RB1CC1: variants seen among roughly 807,000 people sequenced by gnomAD.
RB1CC1 encodes RB1 inducible coiled-coil 1, also known as RB1-inducible coiled-coil protein 1.
In RB1CC1, 46 loss-of-function variants were observed where a neutral mutation model predicts 177.5. The observed-to-expected ratio is 0.26, with a 90% CI of 0.20 to 0.33. RB1CC1 has a LOEUF of 0.33. RB1CC1 is among the 10% of genes least tolerant of loss of function. The probability of loss-of-function intolerance (pLI) is 1.00; values close to 1 mark genes in which losing one functional copy is unlikely to be tolerated. For missense variants in RB1CC1, 1,703 were observed against 1,816.3 expected, an observed-to-expected ratio of 0.94 and a Z score of 1.13; for synonymous variants, 666 against 613.6, an observed-to-expected ratio of 1.09 and a Z score of -1.26.
chr8:52,696,992 G>T (rs1315384486), intron 1 of RB1CC1, among the ~76,000 whole-genome samples: 3 of 152,006 alleles, frequency 2.0e-5, no homozygotes, highest in Non-Finnish European at 4.4e-5. Flanking sequence ...AAGGGAGAGA[G>T]ACCGTCTCAA....
intron 12 of RB1CC1, among the ~76,000 whole-genome samples, chr8:52,660,228 A>G (rs1007624117): frequency 1.3e-5 from 2 of 152,074 alleles, no homozygotes; most frequent in African/African-American, 4.8e-5. Context: ...ATAGAAGGGC[A>G]AGGAGGAGGT....
chr8:52,637,658 C>CATTTATTTATTTATTTATTTATTTATTT (rs561831982), intron 18 of RB1CC1, among the ~76,000 whole-genome samples: 4 of 151,290 alleles, frequency 2.6e-5, no homozygotes, highest in African/African-American at 7.3e-5. Context: ...AATCTAGATG[C>CATTTATTTATTTATTTATTTATTTATTT]ATTTATTTAT....
chr8:52,654,049 T>C (rs1329207096), intron 15 of RB1CC1, among the ~76,000 whole-genome samples: 1 of 152,196 alleles, frequency 6.6e-6, no homozygotes, highest in Non-Finnish European at 1.5e-5. Flanking sequence ...ACCATGTTCT[T>C]ATTCAACATT....
At chr8:52,689,695 G>A (rs1413445420) in intron 1 of RB1CC1, among the ~76,000 whole-genome samples, 2 of 151,924 alleles carry the variant, frequency 1.3e-5, no homozygotes, top group African/African-American at 4.8e-5. Context: ...ATATCACACT[G>A]CTTGAACTCC....
chr8:52,659,535 A>C (rs923299994), intron 12 of RB1CC1, among the ~76,000 whole-genome samples: 2 of 152,300 alleles, frequency 1.3e-5, no homozygotes, highest in African/African-American at 2.4e-5. Flanking sequence ...TTAAAAAAAA[A>C]CTTGTTTTAA....
chr8:52,693,817 T>C (rs534229003), intron 1 of RB1CC1, among the ~76,000 whole-genome samples: 2 of 152,196 alleles, frequency 1.3e-5, no homozygotes, highest in South Asian at 2.1e-4. Context: ...TCAGGAAGAA[T>C]AGCTAATGGA....
intron 15 of RB1CC1, among the ~76,000 whole-genome samples, chr8:52,650,468 G>T (rs1850471029): frequency 6.6e-6 from 1 of 152,152 alleles, no homozygotes; most frequent in African/African-American, 2.4e-5. Flanking sequence ...ACCAACTTTG[G>T]TGCTTCAGAT....
At chr8:52,635,015 AAAT>A in intron 19 of RB1CC1, 47 bp from the exon 20 acceptor site, 4 of 1,505,120 alleles carry the variant, frequency 2.7e-6, no homozygotes, top group Non-Finnish European at 3.6e-6. Context: ...GTACCTACTC[AAAT>A]AAATCTAAAC....
At chr8:52,705,542 T>C (rs1009870360) in intron 1 of RB1CC1, among the ~76,000 whole-genome samples, 4 of 152,218 alleles carry the variant, frequency 2.6e-5, no homozygotes, top group African/African-American at 9.6e-5. Flanking sequence ...TCTGGCACTA[T>C]GTATCAAAAT....
intron 1 of RB1CC1, among the ~76,000 whole-genome samples, chr8:52,706,430 G>A (rs370352330): frequency 6.7e-6 from 1 of 149,790 alleles, no homozygotes; most frequent in South Asian, 2.1e-4. Context: ...TGCGATCTCC[G>A]CTCACTGCAG....
chr8:52,696,883 C>T (rs1399375675), intron 1 of RB1CC1, among the ~76,000 whole-genome samples: 1 of 152,040 alleles, frequency 6.6e-6, no homozygotes, highest in East Asian at 1.9e-4. Context: ...CACACCTGTA[C>T]TCCCAGCTAC....
intron 21 of RB1CC1, among the ~76,000 whole-genome samples, chr8:52,628,511 A>G (rs909067761): frequency 3.3e-5 from 5 of 152,190 alleles, no homozygotes; most frequent in South Asian, 2.1e-4. Context: ...CTTTCATTTC[A>G]CACCAAAAAT....
chr8:52,676,300 T>C (rs1052482134), intron 6 of RB1CC1, 69 bp downstream of exon 6: 2 of 1,401,438 alleles, frequency 1.4e-6, no homozygotes, highest in Admixed American at 2.0e-5. Context: ...AAATTTGCAG[T>C]AATTAAACCT....
intron 6 of RB1CC1, among the ~76,000 whole-genome samples, chr8:52,674,954 G>A (rs1852961203): frequency 6.6e-6 from 1 of 152,028 alleles, no homozygotes. Flanking sequence ...CAAAGCACAG[G>A]ATAAAAATAA....
chr8:52,652,551 T>C (rs1302144441), intron 15 of RB1CC1, among the ~76,000 whole-genome samples: 2 of 152,126 alleles, frequency 1.3e-5, no homozygotes, highest in African/African-American at 4.8e-5. Context: ...CATTAATTTT[T>C]AGTACAGAAA....
At chr8:52,686,390 A>T (rs1403167765) in intron 2 of RB1CC1, among the ~76,000 whole-genome samples, 15 of 152,214 alleles carry the variant, frequency 9.9e-5, no homozygotes, top group Middle Eastern at 3.4e-3. Context: ...CAAAATGTTT[A>T]AAAAAATTAG....
At chr8:52,631,958 C>T (rs1848796101) in intron 20 of RB1CC1, among the ~76,000 whole-genome samples, 1 of 152,138 alleles carries the variant, frequency 6.6e-6, no homozygotes, top group African/African-American at 2.4e-5. Context: ...TGAGAACAAA[C>T]CTCTTTTCTC....
intron 16 of RB1CC1, among the ~76,000 whole-genome samples, chr8:52,644,321 A>G (rs1275115359): frequency 6.6e-6 from 1 of 152,220 alleles, no homozygotes; most frequent in East Asian, 1.9e-4. Context: ...TTTTATAAAT[A>G]TTAAAAGAGA....
chr8:52,694,366 C>T (rs1855181085), intron 1 of RB1CC1, among the ~76,000 whole-genome samples: 1 of 151,946 alleles, frequency 6.6e-6, no homozygotes, highest in Admixed American at 6.5e-5. Context: ...CAGGCTCATC[C>T]CCCCCGGGTA....
Sources: allele counts gnomAD v4.1 joint callset (sites outside exome capture counted in the v4.1 genomes callset), GRCh38; gene constraint gnomAD v4.1.1; transcripts MANE v1.5; gene names NCBI Gene and HGNC (gene_info 2026-07-23, HGNC 2026-07-21).